Variants in IL1RAPL2 observed in about 807,000 individuals in gnomAD.
IL1RAPL2 encodes the protein interleukin 1 receptor accessory protein like 2, also known as X-linked interleukin-1 receptor accessory protein-like 2.
IL1RAPL2 carries 3 observed loss-of-function variants against 44.1 expected under a neutral mutation model. The ratio of observed to expected loss-of-function variants is 0.07; its 90% CI spans 0.03 to 0.18. The LOEUF (loss-of-function observed/expected upper bound fraction) is 0.18. Among genes scored for constraint, IL1RAPL2 ranks in the 10% least tolerant of loss-of-function variants. IL1RAPL2 has a pLI of 1.00. For synonymous variants in IL1RAPL2, 181 were observed against 178.8 expected (o/e 1.01, Z -0.10); for missense variants, 391 against 496.4 (o/e 0.79, Z 2.02).
intron 2 of IL1RAPL2, among the ~76,000 whole-genome samples, chrX:105,188,774 G>GTA (rs1556135454): frequency 8.9e-6 from 1 of 112,385 alleles, no homozygotes; most frequent in African/African-American, 3.2e-5. Context: ...ATCATTCATT[G>GTA]TATATATAGA....
At chrX:105,383,127 AAG>A (rs1390285152) in intron 5 of IL1RAPL2, among the ~76,000 whole-genome samples, 4 of 110,677 alleles carry the variant, frequency 3.6e-5, no homozygotes, top group Admixed American at 1.9e-4. Flanking sequence ...AATAAAAAAA[AAG>A]AAAATCACAT....
intron 2 of IL1RAPL2, among the ~76,000 whole-genome samples, chrX:104,704,103 G>A (rs1391458375): frequency 1.8e-5 from 2 of 111,950 alleles, no homozygotes; most frequent in African/African-American, 3.3e-5. Context: ...AGACTTATGT[G>A]GCATGGTGGC....
At chrX:104,933,338 G>T (rs1229504893) in intron 2 of IL1RAPL2, among the ~76,000 whole-genome samples, 1 of 111,389 alleles carries the variant, frequency 9.0e-6, no homozygotes. Context: ...TCTAAATCCT[G>T]GTTCCAAAAC....
intron 2 of IL1RAPL2, among the ~76,000 whole-genome samples, chrX:105,168,414 GGT>G (rs57882187): frequency 0.021 from 1,835 of 89,269 alleles, 47 homozygotes; most frequent in African/African-American, 0.071. Flanking sequence ...AACCATAGGA[GGT>G]GTGTGTGTGT....
rs753875342 is a variant in IL1RAPL2, at chrX:105,651,327, G to A, written c.773-66040G>A. Among the ~76,000 whole-genome samples the A allele has an allele frequency of 1.1e-3, 122 of 111,781 alleles. 1 individual carries two copies. The highest frequency in any genetic ancestry group is 2.1e-3 in the Non-Finnish European group (109 of 53,053). Reference sequence around the variant, plus strand: ...GACACAGGAAATGACACTATAGCAGGAGAAAGCTTAAGGAAGAATTTCCTG... The same window carrying A: ...GACACAGGAAATGACACTATAGCAGAAGAAAGCTTAAGGAAGAATTTCCTG... On this transcript the variant is annotated intron_variant, in intron 6 of 10. Transcript: ENST00000372582.
At chrX:105,081,510 C>T (rs749329919) in intron 2 of IL1RAPL2, among the ~76,000 whole-genome samples, 9 of 111,401 alleles carry the variant, frequency 8.1e-5, no homozygotes, top group East Asian at 2.8e-4. Context: ...ACCCCTTTGG[C>T]GAAGGTCTAT....
chrX:105,456,731 C>T (rs1777121276), intron 5 of IL1RAPL2, among the ~76,000 whole-genome samples: 1 of 110,839 alleles, frequency 9.0e-6, no homozygotes, highest in African/African-American at 3.3e-5. Flanking sequence ...TTAGCTACAT[C>T]CCATCTATTG....
chrX:105,185,762 GA>G (rs374949876), intron 2 of IL1RAPL2, among the ~76,000 whole-genome samples: 94 of 112,250 alleles, frequency 8.4e-4, no homozygotes, highest in African/African-American at 2.9e-3. Context: ...TATTGGGACA[GA>G]AAAGTGGATT....
intron 1 of IL1RAPL2, chrX:104,647,784 G>T: frequency 1.9e-6 from 1 of 535,580 alleles, no homozygotes. Flanking sequence ...ACATTAAGTG[G>T]TCGAGAATGG....
intron 2 of IL1RAPL2, among the ~76,000 whole-genome samples, chrX:104,801,523 A>G (rs775989535): frequency 5.4e-5 from 6 of 111,601 alleles, no homozygotes; most frequent in Non-Finnish European, 9.4e-5. Context: ...ACATCTTGCC[A>G]GAGCTTCATA....
intron 5 of IL1RAPL2, among the ~76,000 whole-genome samples, chrX:105,413,016 A>G (rs1273963954): frequency 1.8e-5 from 2 of 111,551 alleles, no homozygotes; most frequent in Non-Finnish European, 1.9e-5. Context: ...ATATCTCTAC[A>G]TAGATGGCTG....
chrX:104,919,280 C>T (rs1262630782), intron 2 of IL1RAPL2, among the ~76,000 whole-genome samples: 3 of 105,609 alleles, frequency 2.8e-5, no homozygotes, highest in African/African-American at 7.0e-5. Context: ...GGCTGGAGTG[C>T]AATGGCGTGA....
intron 1 of IL1RAPL2, among the ~76,000 whole-genome samples, chrX:104,640,192 T>G (rs1429135061): frequency 3.6e-5 from 4 of 112,254 alleles, no homozygotes; most frequent in Non-Finnish European, 5.6e-5. Context: ...TTTTTCTTTA[T>G]TTTTATCTGA....
At chrX:104,777,866 T>G in intron 2 of IL1RAPL2, among the ~76,000 whole-genome samples, 1 of 111,054 alleles carries the variant, frequency 9.0e-6, no homozygotes, top group Non-Finnish European at 1.9e-5. Context: ...CTTTCAATTC[T>G]TTTGGAGCTA....
intron 5 of IL1RAPL2, among the ~76,000 whole-genome samples, chrX:105,472,181 G>T (rs1182987435): frequency 8.9e-6 from 1 of 111,744 alleles, no homozygotes; most frequent in Non-Finnish European, 1.9e-5. Context: ...CCCTGTCAAA[G>T]AATTAGCTTG....
intron 1 of IL1RAPL2, among the ~76,000 whole-genome samples, chrX:104,598,161 A>G (rs988305340): frequency 8.9e-6 from 1 of 112,473 alleles, no homozygotes; most frequent in Admixed American, 9.4e-5. Context: ...TTCTAGCAAC[A>G]TGGAATATCA....
chrX:105,401,619 T>C (rs2035606995), intron 5 of IL1RAPL2, among the ~76,000 whole-genome samples: 1 of 110,422 alleles, frequency 9.1e-6, no homozygotes, highest in Non-Finnish European at 1.9e-5. Context: ...TAGGACTCCC[T>C]TAGGTTGGTG....
chrX:104,901,557 G>C (rs1923819995), intron 2 of IL1RAPL2, among the ~76,000 whole-genome samples: 1 of 110,413 alleles, frequency 9.1e-6, no homozygotes, highest in Middle Eastern at 4.7e-3. Flanking sequence ...AGCCTGGCAG[G>C]CTCTAAAATT....
intron 5 of IL1RAPL2, among the ~76,000 whole-genome samples, chrX:105,369,761 A>G (rs2035323288): frequency 9.0e-6 from 1 of 111,275 alleles, no homozygotes; most frequent in African/African-American, 3.3e-5. Context: ...GGTAAGGGCT[A>G]TAAAAGTTGA....
Sources: allele counts gnomAD v4.1 joint callset (sites outside exome capture counted in the v4.1 genomes callset), GRCh38; gene constraint gnomAD v4.1.1; transcripts MANE v1.5; gene names NCBI Gene and HGNC (gene_info 2026-07-23, HGNC 2026-07-21).